OR2B11: variants seen among roughly 807,000 people sequenced by gnomAD.
The protein encoded by OR2B11 is olfactory receptor 2B11.
For missense variants in OR2B11, 422 were observed against 400.0 expected (o/e 1.05, Z -0.47); for synonymous variants, 198 against 174.5 (o/e 1.13, Z -1.06).
intron 1 of OR2B11, among the ~76,000 whole-genome samples, chr1:247,456,975 G>A (rs189320297): frequency 6.6e-5 from 10 of 152,326 alleles, no homozygotes; most frequent in Admixed American, 5.2e-4. Context: ...TCTGGAGGTA[G>A]GTAGAGTCCT....
chr1:247,454,175 GCACACGCACACACACACACACACACA>G lies in OR2B11; in HGVS notation c.-2219_-2194del, dbSNP rs1266715264. 4.9e-5 allele frequency: 3 copies of G among 61,688 alleles called. No individual in the cohort carries two copies. Among genetic ancestry groups the G allele is most frequent in the East Asian group, 5.1e-4 (1 of 1,956 alleles). The allele number at this position is 61,688 out of a possible 1,614,324, so 3.8% of individuals were successfully genotyped here. On this transcript the variant is annotated 5_prime_UTR_variant, in exon 2 of 2. The change creates a premature stop within an existing upstream ORF in the 5' untranslated region. Transcript: ENST00000641149. ...CACGTGCACACACATGCATGCACGT[GCACACGCACACACACACACACACACA>G]CACACGCACACACACACGGTTTCTC...
rs1353567387 is a variant in OR2B11, at chr1:247,451,614, G to A, written c.369C>T (p.Ala123=). Residue 123 remains alanine (A), a synonymous_variant, in exon 2 of 2, where the codon GCC becomes GCT. Transcript: ENST00000641149. ...CTECIVLAAM[A]LDRYVAICKP... is the part of the protein sequence containing the mutation. Reference sequence around the variant, plus strand: ...TGCAGATGGCCACGTAGCGGTCCAGGGCCATGGCGGCCAGGACGATGCACT... The same window carrying A: ...TGCAGATGGCCACGTAGCGGTCCAGAGCCATGGCGGCCAGGACGATGCACT... The A allele has an allele frequency of 6.2e-7, 1 of 1,613,996 alleles. No homozygotes were observed. The highest frequency in any genetic ancestry group is 8.5e-7 in the Non-Finnish European group (1 of 1,179,950).
Position 247,449,475 on chromosome 1 carries a change from T to C in OR2B11, c.*1554A>G, listed in dbSNP as rs891634622. The C allele has an allele frequency of 1.3e-5, 2 of 152,222 alleles. No homozygotes were observed. Among genetic ancestry groups the C allele is most frequent in the Admixed American group, 6.5e-5 (1 of 15,276 alleles). 9.4% of individuals were successfully genotyped at this position (152,222 alleles called of 1,614,324 possible). A position where few individuals can be genotyped will look rare whatever the true frequency, so the allele number is the denominator to read the frequency against. ...TATTTACTAATTGCTTCTCTACACA[T>C]GGACAACTCTTAAACCGCATGGAAT... On this transcript the variant is annotated 3_prime_UTR_variant, in exon 2 of 2. Transcript: ENST00000641149.
Position 247,451,046 on chromosome 1 carries a change from A to G in OR2B11, c.937T>C (p.Trp313Arg), listed in dbSNP as rs1243676386. Residue 313 changes from tryptophan (W) to arginine (R), a missense_variant, in exon 2 of 2, where the codon TGG becomes CGG. Coordinates refer to ENST00000641149, the MANE Select transcript of OR2B11 (RefSeq NM_001004492.2). ...GALRRLLARI[W>R]RLCG ...TGTCCTCATCATCCACAGAGCCTCC[A>G]GATCCTGGCCAGAAGTCTCCTCAGA... is the stretch of plus-strand genomic sequence containing the variant. The G allele has an allele frequency of 1.3e-6, 2 of 1,499,528 alleles. No individual in the cohort carries two copies. Among genetic ancestry groups the G allele is most frequent in the Non-Finnish European group, 1.8e-6 (2 of 1,123,460 alleles). The allele number at this position is 1,499,528 out of a possible 1,614,324, so 92.9% of individuals were successfully genotyped here. A position where few individuals can be genotyped will look rare whatever the true frequency, so the allele number is the denominator to read the frequency against.
In OR2B11 at chr1:247,449,956, A is replaced by G. The variant is rs1664800655; in HGVS notation, c.*1073T>C. 6.6e-6 allele frequency: 1 copy of G among 152,148 alleles called. No individual in the cohort carries two copies. Among genetic ancestry groups the G allele is most frequent in the African/African-American group, 2.4e-5 (1 of 41,422 alleles). The allele number at this position is 152,148 out of a possible 1,614,324, so 9.4% of individuals were successfully genotyped here. ...TTATTTCATTCCTTTTTATGGCTGA[A>G]TAGTATTTTTCCATGGTATATATCT... On this transcript the variant is annotated 3_prime_UTR_variant, in exon 2 of 2. Transcript: ENST00000641149.
chr1:247,456,765 C>A (rs12756328), intron 1 of OR2B11, among the ~76,000 whole-genome samples: 4 of 152,072 alleles, frequency 2.6e-5, no homozygotes, highest in Admixed American at 6.6e-5. Flanking sequence ...CCCCTAGCCC[C>A]CACTCCCTGA....
intron 1 of OR2B11, 143 bp downstream of exon 1, chr1:247,457,496 T>A (rs544761797): frequency 1.3e-5 from 2 of 152,482 alleles, no homozygotes; most frequent in South Asian, 4.1e-4. Flanking sequence ...GCTTAATACG[T>A]GGCCATTGCT....
intron 1 of OR2B11, among the ~76,000 whole-genome samples, chr1:247,456,292 C>A (rs1664963833): frequency 6.6e-6 from 1 of 152,120 alleles, no homozygotes; most frequent in Non-Finnish European, 1.5e-5. Flanking sequence ...CAAACAGTTC[C>A]CCTTTAAAAA....
In OR2B11 at chr1:247,451,828, G is replaced by A. The variant is rs759672749; in HGVS notation, c.155C>T (p.Ala52Val). The A allele has an allele frequency of 5.6e-6, 9 of 1,614,040 alleles. No homozygotes were observed. The highest frequency in any genetic ancestry group is 1.3e-5 in the African/African-American group (1 of 74,928). Residue 52 changes from alanine (A) to valine (V), a missense_variant, in exon 2 of 2, where the codon GCA becomes GTA. Transcript: ENST00000641149. ...GTGGAGTTGAGGATCCACCCGGGAT[G>A]CCAGGATGATGGCGACGTTCCCCAA... The part of the protein sequence containing the change: ...AMLGNVAIIL[A>V]SRVDPQLHSP...
At chr1:247,456,795 T>C (rs1234087297) in intron 1 of OR2B11, among the ~76,000 whole-genome samples, 1 of 152,138 alleles carries the variant, frequency 6.6e-6, no homozygotes, top group African/African-American at 2.4e-5. Flanking sequence ...GTGTGTGATG[T>C]TCCGCTCCCT....
chr1:247,456,007 C>CCTAATTGT (rs1185698453), intron 1 of OR2B11, among the ~76,000 whole-genome samples: 1 of 152,128 alleles, frequency 6.6e-6, no homozygotes, highest in East Asian at 1.9e-4. Context: ...TAAACAAATT[C>CCTAATTGT]TTAGCATTGA....
rs534549253 is a variant in OR2B11, at chr1:247,454,168, T to C, written c.-2186A>G. ...ACGTACACACGTGCACACACATGCA[T>C]GCACGTGCACACGCACACACACACA... On this transcript the variant is annotated 5_prime_UTR_variant, in exon 2 of 2. The change abolishes an upstream ATG in the 5' untranslated region. Coordinates refer to ENST00000641149, the MANE Select transcript of OR2B11 (RefSeq NM_001004492.2). 4.4e-5 allele frequency: 6 copies of C among 135,122 alleles called. No individual in the cohort carries two copies. Among genetic ancestry groups the C allele is most frequent in the Admixed American group, 4.0e-4 (5 of 12,490 alleles). The allele number at this position is 135,122 out of a possible 1,614,324, so 8.4% of individuals were successfully genotyped here. A position where few individuals can be genotyped will look rare whatever the true frequency, so the allele number is the denominator to read the frequency against.
rs1664892158 is a variant in OR2B11, at chr1:247,453,498, A to G, written c.-1516T>C. On this transcript the variant is annotated 5_prime_UTR_variant, in exon 2 of 2. Transcript: ENST00000641149. ...CTTCACAGAATGTGATCTTATCTCT[A>G]ACGAGCTCAAGATGCCTGTCAAAAC... The G allele has an allele frequency of 6.6e-6, 1 of 152,260 alleles. No individual in the cohort carries two copies. Among genetic ancestry groups the G allele is most frequent in the African/African-American group, 2.4e-5 (1 of 41,468 alleles). The allele number at this position is 152,260 out of a possible 1,614,324, so 9.4% of individuals were successfully genotyped here.
rs1356035957 is a variant in OR2B11, at chr1:247,452,877, C to A, written c.-895G>T. The stretch of plus-strand genomic sequence containing the variant: ...TTATCTGATGGCTTGAGTGACATTC[C>A]AATTTCCTGCACAATTTCTTTGCCG... On this transcript the variant is annotated 5_prime_UTR_variant, in exon 2 of 2. Coordinates refer to ENST00000641149, the MANE Select transcript of OR2B11 (RefSeq NM_001004492.2). 2 of 152,180 alleles carry A rather than the reference C, an allele frequency of 1.3e-5. No individual in the cohort carries two copies. The highest frequency in any genetic ancestry group is 2.9e-5 in the Non-Finnish European group (2 of 68,042). 9.4% of individuals were successfully genotyped at this position (152,180 alleles called of 1,614,324 possible). A position where few individuals can be genotyped will look rare whatever the true frequency, so the allele number is the denominator to read the frequency against.
rs1664923501 is a variant in OR2B11, at chr1:247,454,647, T to C, written c.-2665A>G. 6.6e-6 allele frequency: 1 copy of C among 152,250 alleles called. No individual in the cohort carries two copies. The allele number at this position is 152,250 out of a possible 1,614,324, so 9.4% of individuals were successfully genotyped here. On this transcript the variant is annotated 5_prime_UTR_variant, in exon 2 of 2. Coordinates refer to ENST00000641149, the MANE Select transcript of OR2B11 (RefSeq NM_001004492.2). ...GTACTGAGGTTCTTTCTATTCATGT[T>C]CTACTCCTCATTCACTCTAGTTCAG...
In OR2B11 at chr1:247,451,718, T is replaced by C. The variant is rs1187287815; in HGVS notation, c.265A>G (p.Met89Val). The change falls in exon 2 of 2, where the codon ATG becomes GTG. Residue 89 changes from methionine to valine, a missense_variant. Physicochemically the swap from Met to Val is conservative, Grantham distance 21. Coordinates refer to ENST00000641149, the MANE Select transcript of OR2B11 (RefSeq NM_001004492.2). ...CTGATGGTCTTCTGGGAACTGCCCA[T>C]GTTGACCAGCATCTGAGGGACTGTC... ...TTTVPQMLVN[M>V]GSSQKTISYG... 6.2e-7 allele frequency: 1 copy of C among 1,614,114 alleles called. No homozygotes were observed. The highest frequency in any genetic ancestry group is 1.1e-5 in the South Asian group (1 of 91,076).
Position 247,451,844 on chromosome 1 carries a change from C to T in OR2B11, c.139G>A (p.Val47Ile), listed in dbSNP as rs371313076. 11 of 1,613,984 alleles carry T rather than the reference C, an allele frequency of 6.8e-6. No individual in the cohort carries two copies. The highest frequency in any genetic ancestry group is 3.3e-5 in the South Asian group (3 of 91,090). The change falls in exon 2 of 2, where the codon GTC (valine) becomes ATC (isoleucine). Residue 47 changes from valine (V) to isoleucine (I), a missense_variant. By Grantham distance (29) the Val-to-Ile change is conservative. Coordinates refer to ENST00000641149, the MANE Select transcript of OR2B11 (RefSeq NM_001004492.2). ...LSYVLAMLGN[V>I]AIILASRVDP... ...ACCCGGGATGCCAGGATGATGGCGA[C>T]GTTCCCCAACATGGCCAGCACATAG...
At position 247,452,242 on chromosome 1, in the gene OR2B11, G is replaced by C. The variant is rs1180968612; in HGVS notation, c.-260C>G. On this transcript the variant is annotated 5_prime_UTR_variant, in exon 2 of 2. Coordinates refer to ENST00000641149, the MANE Select transcript of OR2B11 (RefSeq NM_001004492.2). ...AACCATTTAATATTCCTGAACTTCT[G>C]CATCTGTAAAATGGGGAGAAATACC... 1.2e-5 allele frequency: 5 copies of C among 432,664 alleles called. No individual in the cohort carries two copies. In the East Asian group the frequency reaches 1.9e-4, roughly 16 times the overall value. 26.8% of individuals were successfully genotyped at this position (432,664 alleles called of 1,614,324 possible). A position where few individuals can be genotyped will look rare whatever the true frequency, so the allele number is the denominator to read the frequency against.
intron 1 of OR2B11, among the ~76,000 whole-genome samples, chr1:247,456,566 T>C (rs1664968395): frequency 6.6e-6 from 1 of 152,180 alleles, no homozygotes; most frequent in Admixed American, 6.5e-5. Flanking sequence ...ATTTCCAATA[T>C]GTTAATTTTT....
Sources: gnomAD v4.1 joint callset for allele counts (sites outside exome capture counted in the v4.1 genomes callset) on GRCh38, gnomAD v4.1.1 for gene constraint, MANE v1.5 for transcripts, NCBI Gene and HGNC (gene_info 2026-07-23, HGNC 2026-07-21) for gene names.